GNB5: variants seen among roughly 807,000 people sequenced by gnomAD.
GNB5 encodes the protein G protein subunit beta 5.
A neutral mutation model predicts 55.3 loss-of-function variants in GNB5; 37 were observed. The observed-to-expected ratio is 0.67, with a 90% CI of 0.51 to 0.88. The LOEUF is 0.88. Among genes scored for constraint, GNB5 ranks in the 40% least tolerant of loss-of-function variants. GNB5 has a pLI of 0.00. For missense variants in GNB5, 476 were observed against 515.3 expected, an observed-to-expected ratio of 0.92 and a Z score of 0.74; for synonymous variants, 219 against 198.5, an observed-to-expected ratio of 1.10 and a Z score of -0.87.
In GNB5 at chr15:52,117,102, A is replaced by ATATATATATTTTTTTTTTTTTTTTTTTT; in HGVS notation, c.*5654_*5655insAAAAAAAAAAAAAAAAAAAATATATATA. On this transcript the variant is annotated 3_prime_UTR_variant, in exon 13 of 13. Transcript: ENST00000261837. ...CCACGCCCAGCTAATATATATATAT[A>ATATATATATTTTTTTTTTTTTTTTTTTT]TTTTTTTTTAGTACAGACAGGGTTT... 1 of 87,102 alleles carries ATATATATATTTTTTTTTTTTTTTTTTTT rather than the reference A, an allele frequency of 1.1e-5. No homozygotes were observed. Among genetic ancestry groups the ATATATATATTTTTTTTTTTTTTTTTTTT allele is most frequent in the Non-Finnish European group, 2.2e-5 (1 of 46,204 alleles). The allele number at this position is 87,102 out of a possible 1,614,324, so 5.4% of individuals were successfully genotyped here.
chr15:52,166,813 G>A (rs59266977), intron 3 of GNB5, among the ~76,000 whole-genome samples: 5,021 of 151,992 alleles, frequency 0.033, 278 homozygotes, highest in African/African-American at 0.12. Flanking sequence ...GCTAGCAGAA[G>A]ACAAGAAATA....
chr15:52,143,309 T>G (rs564899431), intron 6 of GNB5, among the ~76,000 whole-genome samples: 1 of 152,318 alleles, frequency 6.6e-6, no homozygotes, highest in South Asian at 2.1e-4. Context: ...GTTGAGATAC[T>G]TATTACTTAG....
chr15:52,179,650 G>A, intron 3 of GNB5, 118 bp downstream of exon 3: 3 of 472,576 alleles, frequency 6.3e-6, no homozygotes, highest in Non-Finnish European at 9.5e-6. Flanking sequence ...GCTCCCGGGC[G>A]GTGGCGCGGG....
intron 6 of GNB5, among the ~76,000 whole-genome samples, chr15:52,146,237 G>A (rs1367252214): frequency 2.0e-5 from 3 of 152,072 alleles, no homozygotes; most frequent in East Asian, 1.9e-4. Flanking sequence ...GATTACAGGC[G>A]TGAGCCACCA....
At chr15:52,190,341 T>A (rs2034902998) in intron 1 of GNB5, among the ~76,000 whole-genome samples, 2 of 151,940 alleles carry the variant, frequency 1.3e-5, no homozygotes, top group Non-Finnish European at 2.9e-5. Context: ...ATGCTCTCAA[T>A]CTCCTGACCT....
chr15:52,145,300 C>A (rs931130528), intron 6 of GNB5, among the ~76,000 whole-genome samples: 3 of 151,678 alleles, frequency 2.0e-5, no homozygotes, highest in Non-Finnish European at 2.9e-5. Flanking sequence ...TACTGGCATC[C>A]ATCTATAAAG....
chr15:52,184,817 G>A, intron 1 of GNB5, 123 bp from the exon 2 acceptor site: 1 of 670,768 alleles, frequency 1.5e-6, no homozygotes, highest in Non-Finnish European at 2.5e-6. Context: ...TAGAGTATAT[G>A]CAGTTAATTT....
intron 3 of GNB5, among the ~76,000 whole-genome samples, chr15:52,154,811 A>G (rs2034173553): frequency 6.6e-6 from 1 of 152,208 alleles, no homozygotes; most frequent in Non-Finnish European, 1.5e-5. Flanking sequence ...AATCAATGCA[A>G]TGTCCTAAAA....
intron 7 of GNB5, chr15:52,137,622 G>T (rs1566936243): frequency 8.9e-7 from 1 of 1,127,546 alleles, no homozygotes; most frequent in Non-Finnish European, 1.1e-6. Context: ...CCCAGGGAAA[G>T]ACATGGGGAC....
chr15:52,136,478 G>A (rs1192317134), intron 7 of GNB5, among the ~76,000 whole-genome samples: 2 of 152,160 alleles, frequency 1.3e-5, no homozygotes, highest in Non-Finnish European at 2.9e-5. Flanking sequence ...CTTGCTAATA[G>A]AGTCTGGGGT....
In GNB5 at chr15:52,116,994, G is replaced by A. The variant is rs28765241; in HGVS notation, c.*5763C>T. The A allele has an allele frequency of 0.12, 17,833 of 145,074 alleles. 1,249 individuals are homozygous for A. The highest frequency in any genetic ancestry group is 0.2 in the South Asian group (896 of 4,472). 9.0% of individuals were successfully genotyped at this position (145,074 alleles called of 1,614,324 possible). A position where few individuals can be genotyped will look rare whatever the true frequency, so the allele number is the denominator to read the frequency against. On this transcript the variant is annotated 3_prime_UTR_variant, in exon 13 of 13. Coordinates refer to ENST00000261837, the MANE Select transcript of GNB5 (RefSeq NM_016194.4). ...GCTGGAGTGCAGTGGTGCCATCTCG[G>A]CTCACTGCAAGCTCTACCTCCTGGG...
At chr15:52,174,287 G>T (rs745747447) in intron 3 of GNB5, among the ~76,000 whole-genome samples, 5 of 152,226 alleles carry the variant, frequency 3.3e-5, no homozygotes, top group Non-Finnish European at 5.9e-5. Flanking sequence ...GTTATTGCAA[G>T]CCACTAAGTT....
chr15:52,150,753 A>C (rs1287296354), intron 4 of GNB5, among the ~76,000 whole-genome samples: 1 of 152,160 alleles, frequency 6.6e-6, no homozygotes, highest in African/African-American at 2.4e-5. Context: ...AACCCATTAG[A>C]GGTAAATCCA....
chr15:52,133,448 C>T lies in GNB5; in HGVS notation c.793G>A (p.Val265Met). 2 of 1,612,572 alleles carry T rather than the reference C, an allele frequency of 1.2e-6. No homozygotes were observed. Among genetic ancestry groups the T allele is most frequent in the Non-Finnish European group, 1.7e-6 (2 of 1,178,518 alleles). The change falls in exon 9 of 13, where the codon GTG becomes ATG. Residue 265 changes from valine (V) to methionine (M), a missense_variant. Physicochemically the swap from Val to Met is conservative, Grantham distance 21. Transcript: ENST00000261837. ...VSGGCDKKAM[V>M]WDMRSGQCVQ... ...CACTGGCCGGAGCGCATGTCCCACA[C>T]CATGGCTTTCTTGTCACATCCCTAC... is the stretch of plus-strand genomic sequence containing the variant.
rs78900620 is a variant in GNB5, at chr15:52,137,835, T to C, written c.628-2079A>G. 8,038 of 1,284,006 alleles carry C rather than the reference T, an allele frequency of 6.3e-3. 228 individuals carry two copies. In the African/African-American group the frequency reaches 0.065, roughly 10 times the overall value. The allele number at this position is 1,284,006 out of a possible 1,614,324, so 79.5% of individuals were successfully genotyped here. ...GGACCTGCAAGGGAGAAGCTCTCCC[T>C]GCCTTCTGGCTGCTCCACAGGGCCT... is the stretch of plus-strand genomic sequence containing the variant. On this transcript the variant is annotated intron_variant, in intron 7 of 12. Coordinates refer to ENST00000261837, the MANE Select transcript of GNB5 (RefSeq NM_016194.4).
chr15:52,132,876 C>A (rs1019580090), intron 9 of GNB5, among the ~76,000 whole-genome samples: 1 of 152,066 alleles, frequency 6.6e-6, no homozygotes, highest in Non-Finnish European at 1.5e-5. Flanking sequence ...TCTTTGCTTG[C>A]CTGGCTCTTT....
At chr15:52,134,936 G>A (rs2033665682) in intron 8 of GNB5, among the ~76,000 whole-genome samples, 1 of 151,970 alleles carries the variant, frequency 6.6e-6, no homozygotes, top group Admixed American at 6.6e-5. Flanking sequence ...ATCCTGGGGA[G>A]GGGAAGTGCA....
At chr15:52,164,468 TA>T (rs557237987) in intron 3 of GNB5, among the ~76,000 whole-genome samples, 30 of 149,440 alleles carry the variant, frequency 2.0e-4, no homozygotes, top group African/African-American at 7.4e-4. Context: ...AACATAAAAA[TA>T]AAAAAAATTA....
At chr15:52,154,524 C>T (rs980903787) in intron 3 of GNB5, among the ~76,000 whole-genome samples, 2 of 152,274 alleles carry the variant, frequency 1.3e-5, no homozygotes, top group South Asian at 2.1e-4. Context: ...TTCATACAAT[C>T]AACAGTGAAC....
Sources: gnomAD v4.1 joint callset for allele counts (sites outside exome capture counted in the v4.1 genomes callset) on GRCh38, gnomAD v4.1.1 for gene constraint, MANE v1.5 for transcripts, NCBI Gene and HGNC (gene_info 2026-07-23, HGNC 2026-07-21) for gene names.